SRRD: variants seen among roughly 807,000 people sequenced by gnomAD.
SRRD encodes SRR1 domain containing, also known as SRR1-like protein.
Under a neutral mutation model 30.7 loss-of-function variants are expected in SRRD, and 28 were observed. That is an observed-to-expected ratio of 0.91 (90% CI 0.68 to 1.25). The LOEUF (loss-of-function observed/expected upper bound fraction) is 1.25, where lower values mean the gene tolerates loss of function less well. Among genes scored for constraint, SRRD ranks in the 50% most tolerant of loss-of-function variants. The probability of loss-of-function intolerance (pLI) is 0.00; values close to 1 mark genes in which losing one functional copy is unlikely to be tolerated. For synonymous variants in SRRD, 161 were observed against 159.6 expected, an observed-to-expected ratio of 1.01 and a Z score of -0.07; for missense variants, 415 against 417.3, an observed-to-expected ratio of 0.99 and a Z score of 0.05.
Position 26,493,202 on chromosome 22 carries a change from A to C in SRRD, c.*1530A>C, listed in dbSNP as rs981716416. 3 of 152,012 alleles carry C rather than the reference A, an allele frequency of 2.0e-5. No homozygotes were observed. Among genetic ancestry groups the C allele is most frequent in the Non-Finnish European group, 1.5e-5 (1 of 68,044 alleles). 9.4% of individuals were successfully genotyped at this position (152,012 alleles called of 1,614,324 possible). ...GCCACCGCGCCCGGCTAATTTTTGC[A>C]TTTTTAGTAGAGACGGGGTTTCACC... On this transcript the variant is annotated 3_prime_UTR_variant, in exon 7 of 7. Transcript: ENST00000215917.
In SRRD at chr22:26,484,011, C is replaced by T. The variant is rs2091619447; in HGVS notation, c.121C>T (p.Pro41Ser). 1 of 1,389,314 alleles carries T rather than the reference C, an allele frequency of 7.2e-7. No individual in the cohort carries two copies. Among genetic ancestry groups the T allele is most frequent in the African/African-American group, 1.5e-5 (1 of 65,508 alleles). The allele number at this position is 1,389,314 out of a possible 1,614,324, so 86.1% of individuals were successfully genotyped here. Residue 41 changes from proline (P) to serine (S), a missense_variant, in exon 1 of 7, where the codon CCC (proline) becomes TCC (serine). Physicochemically the swap from Pro to Ser is moderately conservative, Grantham distance 74. Coordinates refer to ENST00000215917, the MANE Select transcript of SRRD (RefSeq NM_001013694.3). ...EAAPRGREAA[P>S]RGREAAPRGP... is the part of the protein sequence containing the mutation. ...GGCGCCCCGGGGGAGAGAGGCGGCG[C>T]CCCGGGGGAGAGAGGCGGCGCCCCG...
intron 6 of SRRD, 57 bp downstream of exon 6, chr22:26,491,127 C>A: frequency 3.9e-6 from 6 of 1,550,610 alleles, no homozygotes; most frequent in South Asian, 2.3e-5. Flanking sequence ...GTGAAGAATT[C>A]TATCTTTCTT....
Position 26,494,501 on chromosome 22 carries a change from T to G in SRRD, c.*2829T>G, listed in dbSNP as rs1921666425. ...GCCTGGTAGCTAAAGTGCCCTTGCA[T>G]GTAAACTCTCTGAGCCTCAGCTTCC... On this transcript the variant is annotated 3_prime_UTR_variant, in exon 7 of 7. Transcript: ENST00000215917. 7 of 729,668 alleles carry G rather than the reference T, an allele frequency of 9.6e-6. No homozygotes were observed. Among genetic ancestry groups the G allele is most frequent in the Non-Finnish European group, 1.3e-5 (6 of 446,992 alleles). 45.2% of individuals were successfully genotyped at this position (729,668 alleles called of 1,614,324 possible).
rs2091705201 is a variant in SRRD, at chr22:26,485,889, A to G, written c.210-134A>G. On this transcript the variant is annotated intron_variant, in intron 1 of 6. Transcript: ENST00000215917. ...CATATTCAACATATATCCCCCTCCTATCACTTGGTAAGGGTGGGCCCTGCA... is the reference window on the plus strand; with the variant it reads ...CATATTCAACATATATCCCCCTCCTGTCACTTGGTAAGGGTGGGCCCTGCA... 6.2e-6 allele frequency: 6 copies of G among 966,566 alleles called. No individual in the cohort carries two copies. In the East Asian group the frequency reaches 1.4e-4, roughly 23 times the overall value. The allele number at this position is 966,566 out of a possible 1,614,324, so 59.9% of individuals were successfully genotyped here.
Position 26,483,943 on chromosome 22 carries a change from G to T in SRRD, c.53G>T (p.Arg18Leu). The T allele has an allele frequency of 7.4e-7, 1 of 1,356,600 alleles. No homozygotes were observed. Among genetic ancestry groups the T allele is most frequent in the South Asian group, 1.8e-5 (1 of 54,524 alleles). 84.0% of individuals were successfully genotyped at this position (1,356,600 alleles called of 1,614,324 possible). The change falls in exon 1 of 7, where the codon CGG becomes CTG. Residue 18 changes from arginine to leucine, a missense_variant. Coordinates refer to ENST00000215917, the MANE Select transcript of SRRD (RefSeq NM_001013694.3). ...GAATCCTGGCAGGCGGCGGCTCCGC[G>T]GAAGAGGCGCTCCGCGGCTCGACGG... ...ALESWQAAAP[R>L]KRRSAARRPR...
chr22:26,487,127 G>A (rs1398415978), intron 2 of SRRD, among the ~76,000 whole-genome samples: 1 of 151,864 alleles, frequency 6.6e-6, no homozygotes, highest in Non-Finnish European at 1.5e-5. Context: ...CACCATGTTG[G>A]CCAGACTGGT....
chr22:26,484,240 T>A, intron 1 of SRRD, 141 bp downstream of exon 1: 1 of 940,650 alleles, frequency 1.1e-6, no homozygotes, highest in South Asian at 1.5e-5. Context: ...ACGAGCTCAT[T>A]AAAGATGTGG....
rs1263477331 is a variant in SRRD at position 26,484,031 on chromosome 22, G to T, written c.141G>T (p.Ala47=). 2.8e-6 allele frequency: 4 copies of T among 1,445,330 alleles called. No homozygotes were observed. The highest frequency in any genetic ancestry group is 1.4e-5 in the South Asian group (1 of 73,356). The allele number at this position is 1,445,330 out of a possible 1,614,324, so 89.5% of individuals were successfully genotyped here. A position where few individuals can be genotyped will look rare whatever the true frequency, so the allele number is the denominator to read the frequency against. ...REAAPRGREA[A]PRGPEAEFES... is the part of the protein sequence containing the mutation. ...CGGCGCCCCGGGGGAGAGAGGCGGC[G>T]CCCCGGGGCCCCGAGGCGGAGTTCG... is the stretch of plus-strand genomic sequence containing the variant. The change falls in exon 1 of 7, where the codon GCG becomes GCT. Residue 47 remains alanine, a synonymous_variant. Transcript: ENST00000215917.
intron 5 of SRRD, 37 bp from the exon 6 acceptor site, chr22:26,490,988 T>G (rs60765565): frequency 4.5e-3 from 124 of 27,634 alleles, no homozygotes; most frequent in Non-Finnish European, 6.7e-3. Context: ...AATCATGGTG[T>G]TTTTTTTTTG....
intron 4 of SRRD, 70 bp from the exon 5 acceptor site, chr22:26,489,974 A>G (rs1441522194): frequency 1.3e-6 from 2 of 1,559,798 alleles, no homozygotes; most frequent in Non-Finnish European, 1.8e-6. Flanking sequence ...CCCCATCCTT[A>G]CCTCTCCCTC....
Position 26,492,558 on chromosome 22 carries a change from G to A in SRRD, c.*886G>A. 1.7e-6 allele frequency: 1 copy of A among 595,496 alleles called. No individual in the cohort carries two copies. Among genetic ancestry groups the A allele is most frequent in the Non-Finnish European group, 3.0e-6 (1 of 334,108 alleles). 36.9% of individuals were successfully genotyped at this position (595,496 alleles called of 1,614,324 possible). ...AGTATCACATAAAAACTGTTCAGAA[G>A]GTTCCTGGCTAGTATCTAGTAACCA... On this transcript the variant is annotated 3_prime_UTR_variant, in exon 7 of 7. Coordinates refer to ENST00000215917, the MANE Select transcript of SRRD (RefSeq NM_001013694.3).
At position 26,483,917 on chromosome 22, in the gene SRRD, G is replaced by A. The variant is rs2091603387; in HGVS notation, c.27G>A (p.Leu9=). MAAAAAAA[L]ESWQAAAPRK... ...TGGCTGCGGCCGCAGCTGCGGCGCT[G>A]GAATCCTGGCAGGCGGCGGCTCCGC... is the stretch of plus-strand genomic sequence containing the variant. Residue 9 remains leucine, a synonymous_variant, in exon 1 of 7, where the codon CTG becomes CTA. Coordinates refer to ENST00000215917, the MANE Select transcript of SRRD (RefSeq NM_001013694.3). The A allele has an allele frequency of 7.4e-7, 1 of 1,350,258 alleles. No homozygotes were observed. Among genetic ancestry groups the A allele is most frequent in the South Asian group, 1.9e-5 (1 of 53,050 alleles). 83.6% of individuals were successfully genotyped at this position (1,350,258 alleles called of 1,614,324 possible).
intron 6 of SRRD, 106 bp downstream of exon 6, chr22:26,491,176 A>G: frequency 8.6e-7 from 1 of 1,169,060 alleles, no homozygotes; most frequent in Non-Finnish European, 1.2e-6. Context: ...AAGTGGCGCT[A>G]GTGTACTGTC....
chr22:26,490,148 CCTTT>C lies in SRRD; in HGVS notation c.717_720del (p.Ser240ArgfsTer32), dbSNP rs1318140962. ...TATGGAGTAACTGGTCAGTAGATGC[CCTTT>C]CTAAGATGGTCATCATTGGGAACAG... On this transcript the variant is annotated frameshift_variant, in exon 5 of 7. Coordinates refer to ENST00000215917, the MANE Select transcript of SRRD (RefSeq NM_001013694.3). LOFTEE classifies it high-confidence loss of function. 2.5e-6 allele frequency: 4 copies of C among 1,613,972 alleles called. No individual in the cohort carries two copies. The highest frequency in any genetic ancestry group is 2.2e-5 in the South Asian group (2 of 91,080).
Position 26,492,414 on chromosome 22 carries a change from G to A in SRRD, c.*742G>A. On this transcript the variant is annotated 3_prime_UTR_variant, in exon 7 of 7. Coordinates refer to ENST00000215917, the MANE Select transcript of SRRD (RefSeq NM_001013694.3). ...GCGGTGAGGAGAGGTGTTTCCAGGTGTATGGAAGTTGACACTGTGGCTTGG... is the reference window on the plus strand; with the variant it reads ...GCGGTGAGGAGAGGTGTTTCCAGGTATATGGAAGTTGACACTGTGGCTTGG... The A allele has an allele frequency of 6.4e-7, 1 of 1,572,298 alleles. No individual in the cohort carries two copies. Among genetic ancestry groups the A allele is most frequent in the South Asian group, 1.1e-5 (1 of 87,772 alleles).
chr22:26,488,237 C>G lies in SRRD; in HGVS notation c.459C>G (p.Ile153Met), dbSNP rs1198631585. Reference protein sequence around the residue: ...CYGIGNFATCIVARNQLTFLL... With the variant: ...CYGIGNFATCMVARNQLTFLL... ...GCATTGGGAACTTTGCCACCTGCATCGTAGCTAGAAACCAGCTAACGTTTT... is the reference window on the plus strand; with the variant it reads ...GCATTGGGAACTTTGCCACCTGCATGGTAGCTAGAAACCAGCTAACGTTTT... Residue 153 changes from isoleucine (I) to methionine (M), a missense_variant, in exon 3 of 7, where the codon ATC (isoleucine) becomes ATG (methionine). By Grantham distance (10) the Ile-to-Met change is conservative. Transcript: ENST00000215917. The G allele has an allele frequency of 6.2e-7, 1 of 1,614,064 alleles. No homozygotes were observed. The highest frequency in any genetic ancestry group is 1.1e-5 in the South Asian group (1 of 91,092).
chr22:26,483,993 CGGGGGAGAGA>C lies in SRRD; in HGVS notation c.106_115del (p.Gly36ArgfsTer45), dbSNP rs1569146150. ...GCCGCGGCGGAGGGAGGCGGCGCCCCGGGGGAGAGAGGCGGCGCCCCGGGGGAGAGAGGCG... is the reference window on the plus strand; with the variant it reads ...GCCGCGGCGGAGGGAGGCGGCGCCCCGGCGGCGCCCCGGGGGAGAGAGGCG... On this transcript the variant is annotated frameshift_variant, in exon 1 of 7. Transcript: ENST00000215917. LOFTEE classifies it high-confidence loss of function. The C allele has an allele frequency of 1.2e-3, 58 of 49,754 alleles. No individual in the cohort carries two copies. Among genetic ancestry groups the C allele is most frequent in the Non-Finnish European group, 1.4e-3 (45 of 32,582 alleles). The allele number at this position is 49,754 out of a possible 1,614,324, so 3.1% of individuals were successfully genotyped here. A position where few individuals can be genotyped will look rare whatever the true frequency, so the allele number is the denominator to read the frequency against.
Position 26,491,754 on chromosome 22 carries a change from A to G in SRRD, c.*82A>G. ...GGGAAGGCTGCTATGGAGGAACTACAGAGAACTCCTTTGCCAGGAAAGAAC... is the reference window on the plus strand; with the variant it reads ...GGGAAGGCTGCTATGGAGGAACTACGGAGAACTCCTTTGCCAGGAAAGAAC... On this transcript the variant is annotated 3_prime_UTR_variant, in exon 7 of 7. Transcript: ENST00000215917. 9 of 1,292,862 alleles carry G rather than the reference A, an allele frequency of 7.0e-6. No homozygotes were observed. In the South Asian group the frequency reaches 1.2e-4, roughly 17 times the overall value. 80.1% of individuals were successfully genotyped at this position (1,292,862 alleles called of 1,614,324 possible).
rs368040628 is a variant in SRRD, at chr22:26,490,200, T to C, written c.764+2T>C. ...CAGTTTCAAAGGACTTGAGGAGAGG[T>C]AAGTCTGAGAATGCTGAGATTCTGT... On this transcript the variant is annotated splice_donor_variant, in intron 5 of 6. Coordinates refer to ENST00000215917, the MANE Select transcript of SRRD (RefSeq NM_001013694.3). LOFTEE classifies it high-confidence loss of function. 3.2e-5 allele frequency: 52 copies of C among 1,613,838 alleles called. No homozygotes were observed. The highest frequency in any genetic ancestry group is 4.1e-5 in the Non-Finnish European group (48 of 1,179,942).
Sources: gnomAD v4.1 joint callset for allele counts (sites outside exome capture counted in the v4.1 genomes callset) on GRCh38, gnomAD v4.1.1 for gene constraint, MANE v1.5 for transcripts, NCBI Gene and HGNC (gene_info 2026-07-23, HGNC 2026-07-21) for gene names.